FTO: variants seen among roughly 807,000 people sequenced by gnomAD.
FTO encodes the protein alpha-ketoglutarate-dependent dioxygenase FTO.
A neutral mutation model predicts 63.9 loss-of-function variants in FTO; 47 were observed. The observed-to-expected ratio is 0.74, with a 90% confidence interval of 0.58 to 0.94. The LOEUF is 0.94. Among genes scored for constraint, FTO ranks in the 40% least tolerant of loss-of-function variants. The pLI is 0.00. For missense variants in FTO, 562 were observed against 618.1 expected (o/e 0.91, Z 0.96); for synonymous variants, 207 against 224.4 (o/e 0.92, Z 0.69).
intron 8 of FTO, chr16:53,993,727 T>G (rs996419141): frequency 6.6e-6 from 1 of 152,210 alleles, no homozygotes; most frequent in Non-Finnish European, 1.5e-5. Flanking sequence ...TTTCATTTTA[T>G]TTGGAAAATG....
chr16:53,801,166 G>T (rs928033753), intron 1 of FTO, among the ~76,000 whole-genome samples: 2 of 149,896 alleles, frequency 1.3e-5, no homozygotes, highest in Admixed American at 6.6e-5. Context: ...TTTTTTTCTT[G>T]ATTTCTGCCT....
intron 3 of FTO, among the ~76,000 whole-genome samples, chr16:53,827,772 T>TGTC (rs1357869420): frequency 6.6e-6 from 1 of 152,222 alleles, no homozygotes; most frequent in African/African-American, 2.4e-5. Context: ...GATTTAACGC[T>TGTC]GTCCTAATGG....
intron 1 of FTO, among the ~76,000 whole-genome samples, chr16:53,756,167 G>C (rs937842124): frequency 6.6e-6 from 1 of 152,268 alleles, no homozygotes; most frequent in Admixed American, 6.5e-5. Context: ...AGACATGAGA[G>C]AGATCTCAGT....
intron 1 of FTO, among the ~76,000 whole-genome samples, chr16:53,777,135 G>T (rs533998823): frequency 2.4e-4 from 37 of 152,174 alleles, no homozygotes; most frequent in Admixed American, 7.9e-4. Context: ...TAGTCAGCAT[G>T]CTGTGCAACA....
chr16:53,797,302 A>G (rs537591526), intron 1 of FTO, among the ~76,000 whole-genome samples: 124 of 152,322 alleles, frequency 8.1e-4, no homozygotes, highest in African/African-American at 2.8e-3. Context: ...GGTGGTATAT[A>G]TTGTTGCTTG....
At chr16:53,825,515 T>A (rs1197265667) in intron 2 of FTO, among the ~76,000 whole-genome samples, 1 of 152,226 alleles carries the variant, frequency 6.6e-6, no homozygotes, top group Non-Finnish European at 1.5e-5. Flanking sequence ...AAGCACTTAA[T>A]AAATATTTTA....
chr16:53,876,648 T>TG (rs1443035484), intron 5 of FTO, among the ~76,000 whole-genome samples: 1 of 152,206 alleles, frequency 6.6e-6, no homozygotes. Flanking sequence ...TGTCACAGGC[T>TG]GGGTGCAGTG....
intron 8 of FTO, among the ~76,000 whole-genome samples, chr16:54,059,454 G>A (rs563318676): frequency 5.3e-5 from 8 of 152,140 alleles, no homozygotes; most frequent in Non-Finnish European, 1.2e-4. Flanking sequence ...TCGTGAGGGG[G>A]TAATCTGCTA....
chr16:53,846,801 C>CAAAAAAA (rs55982417), intron 4 of FTO, among the ~76,000 whole-genome samples: 1 of 106,900 alleles, frequency 9.4e-6, no homozygotes, highest in Admixed American at 8.8e-5. Flanking sequence ...GACTCAGTCT[C>CAAAAAAA]AAAAAAAAAA....
intron 1 of FTO, among the ~76,000 whole-genome samples, chr16:53,779,022 C>G (rs775415864): frequency 6.6e-6 from 1 of 152,056 alleles, no homozygotes; most frequent in African/African-American, 2.4e-5. Context: ...GAGCAACATG[C>G]GAAAATTCTT....
chr16:54,072,716 G>C (rs753309497), intron 8 of FTO, among the ~76,000 whole-genome samples: 1 of 152,044 alleles, frequency 6.6e-6, no homozygotes, highest in Admixed American at 6.6e-5. Context: ...TTTGTGCCCC[G>C]CCCCATCCTC....
chr16:54,040,483 T>G (rs949993510), intron 8 of FTO: 3 of 152,238 alleles, frequency 2.0e-5, no homozygotes, highest in Non-Finnish European at 4.4e-5. Flanking sequence ...CTCTTGGAGC[T>G]TACATTCCAG....
intron 6 of FTO, among the ~76,000 whole-genome samples, chr16:53,886,557 C>T (rs147894779): frequency 6.6e-6 from 1 of 152,308 alleles, no homozygotes; most frequent in Non-Finnish European, 1.5e-5. Flanking sequence ...ATCTGTTAAC[C>T]ACTGTCTTTT....
intron 7 of FTO, among the ~76,000 whole-genome samples, chr16:53,896,112 G>A (rs2081273539): frequency 6.6e-6 from 1 of 152,142 alleles, no homozygotes; most frequent in Non-Finnish European, 1.5e-5. Flanking sequence ...TGATGTAAAG[G>A]TGTGAAGATC....
At chr16:53,817,392 G>A (rs9972717) in intron 2 of FTO, among the ~76,000 whole-genome samples, 17,688 of 152,126 alleles carry the variant, frequency 0.12, 1,337 homozygotes, top group Non-Finnish European at 0.17. Flanking sequence ...CTGCCAAGTC[G>A]CAAGCATTTT....
intron 8 of FTO, among the ~76,000 whole-genome samples, chr16:54,094,623 AG>A (rs1207406870): frequency 6.6e-6 from 1 of 152,248 alleles, no homozygotes; most frequent in Admixed American, 6.5e-5. Context: ...TTGGGAATCC[AG>A]GGAGGCTTTG....
chr16:53,779,726 C>T (rs988388661), intron 1 of FTO, among the ~76,000 whole-genome samples: 4 of 152,120 alleles, frequency 2.6e-5, no homozygotes, highest in African/African-American at 9.7e-5. Flanking sequence ...CACATTATAT[C>T]CATTAATTTA....
intron 1 of FTO, among the ~76,000 whole-genome samples, chr16:53,733,385 A>G (rs1178265402): frequency 6.6e-6 from 1 of 152,174 alleles, no homozygotes; most frequent in Non-Finnish European, 1.5e-5. Flanking sequence ...CTGGGTAACA[A>G]GAGCAAAACT....
intron 8 of FTO, among the ~76,000 whole-genome samples, chr16:54,081,517 T>C (rs1412826110): frequency 1.3e-5 from 2 of 152,172 alleles, no homozygotes; most frequent in Non-Finnish European, 2.9e-5. Context: ...ATGCACAGTG[T>C]ATCTAAATAG....
Sources: allele counts gnomAD v4.1 joint callset (sites outside exome capture counted in the v4.1 genomes callset), GRCh38; gene constraint gnomAD v4.1.1; transcripts MANE v1.5; gene names NCBI Gene and HGNC (gene_info 2026-07-23, HGNC 2026-07-21).